UFSP2: variants seen among roughly 807,000 people sequenced by gnomAD.
UFSP2 encodes ufm1-specific protease 2.
UFSP2 carries 43 observed loss-of-function variants against 60.2 expected under a neutral mutation model. That is an observed-to-expected ratio of 0.71 (90% confidence interval 0.56 to 0.92). UFSP2 has a LOEUF of 0.92. UFSP2 is among the 40% of genes least tolerant of loss of function. The probability of loss-of-function intolerance (pLI) is 0.00; values close to 1 mark genes in which losing one functional copy is unlikely to be tolerated. For missense variants in UFSP2, 520 were observed against 575.0 expected, an observed-to-expected ratio of 0.90 and a Z score of 0.98; for synonymous variants, 183 against 195.1, an observed-to-expected ratio of 0.94 and a Z score of 0.52.
At position 185,403,570 on chromosome 4, in the gene UFSP2, A is replaced by G; in HGVS notation, c.1247T>C (p.Ile416Thr). The G allele has an allele frequency of 6.2e-7, 1 of 1,614,122 alleles. No individual in the cohort carries two copies. Among genetic ancestry groups the G allele is most frequent in the Non-Finnish European group, 8.5e-7 (1 of 1,180,020 alleles). ...AATCAGAAACTTTATCTGCCCTGTA[A>G]TCTCATTCCATGCAACTCCTAGTAT... Reference protein sequence around the residue: ...HTILGVAWNEITGQIKFLILD... With the variant: ...HTILGVAWNETTGQIKFLILD... The change falls in exon 11 of 12, where the codon ATT (isoleucine) becomes ACT (threonine). Residue 416 changes from isoleucine (I) to threonine (T), a missense_variant. Ile to Thr is a moderately conservative substitution (Grantham distance 89). Coordinates refer to ENST00000264689, the MANE Select transcript of UFSP2 (RefSeq NM_018359.5).
In UFSP2 at chr4:185,415,502, A is replaced by G. The variant is rs548781730; in HGVS notation, c.492-155T>C. Among the ~76,000 whole-genome samples, 255 of 152,300 alleles carry G rather than the reference A, an allele frequency of 1.7e-3. 2 individuals carry two copies. The highest frequency in any genetic ancestry group is 7.5e-4 in the Non-Finnish European group (51 of 68,018). On this transcript the variant is annotated intron_variant, in intron 5 of 11. Coordinates refer to ENST00000264689, the MANE Select transcript of UFSP2 (RefSeq NM_018359.5). ...TTATACATTATAAAAGAAACTGTGT[A>G]TTTGCTCTTTGTGGATAAAGGGAAA... is the stretch of plus-strand genomic sequence containing the variant.
At chr4:185,409,258 AG>A (rs1425831094) in intron 7 of UFSP2, among the ~76,000 whole-genome samples, 2 of 152,184 alleles carry the variant, frequency 1.3e-5, no homozygotes, top group Admixed American at 1.3e-4. Context: ...CGCTAAGTTA[AG>A]GGTCAAAAAA....
In UFSP2 at chr4:185,422,560, T is replaced by C. The variant is rs982697529; in HGVS notation, c.7A>G (p.Ile3Val). The C allele has an allele frequency of 1.1e-5, 18 of 1,604,030 alleles. No homozygotes were observed. The highest frequency in any genetic ancestry group is 1.5e-5 in the Non-Finnish European group (18 of 1,176,860). MV[I>V]SESMDILFRI... Reference sequence around the variant, plus strand: ...AAGAGTATATCCATACTTTCTGAAATCACCTAGAACAAATAAAGATAAAGA... The same window carrying C: ...AAGAGTATATCCATACTTTCTGAAACCACCTAGAACAAATAAAGATAAAGA... The change falls in exon 2 of 12, where the codon ATT becomes GTT. Residue 3 changes from isoleucine (I) to valine (V), a missense_variant. Transcript: ENST00000264689.
At chr4:185,414,704 T>C (rs1452758912) in intron 6 of UFSP2, among the ~76,000 whole-genome samples, 1 of 152,232 alleles carries the variant, frequency 6.6e-6, no homozygotes, top group African/African-American at 2.4e-5. Flanking sequence ...AAAATTCCTC[T>C]AATAAAGCCC....
At chr4:185,411,832 A>G (rs2095529887) in intron 7 of UFSP2, among the ~76,000 whole-genome samples, 3 of 152,236 alleles carry the variant, frequency 2.0e-5, no homozygotes, top group African/African-American at 7.2e-5. Context: ...GATGTTTGAT[A>G]TGTAATATTG....
intron 9 of UFSP2, chr4:185,406,179 T>C (rs1408742454): frequency 2.9e-6 from 1 of 348,964 alleles, no homozygotes; most frequent in African/African-American, 2.1e-5. Context: ...GGAGTTCTTA[T>C]GGATGGATTA....
intron 1 of UFSP2, among the ~76,000 whole-genome samples, chr4:185,425,549 T>C (rs937621231): frequency 1.1e-4 from 17 of 152,198 alleles, no homozygotes; most frequent in Non-Finnish European, 1.3e-4. Flanking sequence ...CCGAAGAAAG[T>C]TGCGCCTGTC....
chr4:185,399,641 T>A lies in UFSP2; in HGVS notation c.*751A>T. The A allele has an allele frequency of 6.2e-7, 1 of 1,614,200 alleles. No individual in the cohort carries two copies. Among genetic ancestry groups the A allele is most frequent in the South Asian group, 1.1e-5 (1 of 91,090 alleles). ...TGTGGATTTCCAGACTGTGCCAAGTTTCTTACAACAATTAAATGTATGCAG... is the reference window on the plus strand; with the variant it reads ...TGTGGATTTCCAGACTGTGCCAAGTATCTTACAACAATTAAATGTATGCAG... On this transcript the variant is annotated 3_prime_UTR_variant, in exon 12 of 12. Transcript: ENST00000264689.
chr4:185,422,721 C>T (rs1331373731), intron 1 of UFSP2, among the ~76,000 whole-genome samples, 158 bp from the exon 2 acceptor site: 1 of 152,142 alleles, frequency 6.6e-6, no homozygotes, highest in Non-Finnish European at 1.5e-5. Context: ...AAAACAAAAA[C>T]AAAAGCAACC....
At chr4:185,417,301 G>C (rs2095540416) in intron 4 of UFSP2, among the ~76,000 whole-genome samples, 2 of 152,136 alleles carry the variant, frequency 1.3e-5, no homozygotes, top group Admixed American at 1.3e-4. Flanking sequence ...TCCAATTACT[G>C]GTAATTTTCA....
rs1218222747 is a variant in UFSP2, at chr4:185,418,661, AGGCCAT to A, written c.186_191del (p.Trp63_Pro64del). On this transcript the variant is annotated inframe_deletion, in exon 3 of 12. Coordinates refer to ENST00000264689, the MANE Select transcript of UFSP2 (RefSeq NM_018359.5). ...CAGGAATGGTGTTTATGTCACTGCT[AGGCCAT>A]ATATACACTGAACTGTGGCAAATTC... is the stretch of plus-strand genomic sequence containing the variant. 12 of 1,613,950 alleles carry A rather than the reference AGGCCAT, an allele frequency of 7.4e-6. No homozygotes were observed. The highest frequency in any genetic ancestry group is 1.0e-5 in the Non-Finnish European group (12 of 1,180,008).
intron 7 of UFSP2, among the ~76,000 whole-genome samples, 166 bp downstream of exon 7, chr4:185,413,560 T>C (rs1433722808): frequency 1.3e-5 from 2 of 152,220 alleles, no homozygotes; most frequent in Non-Finnish European, 2.9e-5. Context: ...TTCTAGACCA[T>C]TTTTAATTAC....
In UFSP2 at chr4:185,415,827, G is replaced by A. The variant is rs1322443848; in HGVS notation, c.374C>T (p.Thr125Ile). 1 of 1,613,672 alleles carries A rather than the reference G, an allele frequency of 6.2e-7. No individual in the cohort carries two copies. Among genetic ancestry groups the A allele is most frequent in the Admixed American group, 1.7e-5 (1 of 59,990 alleles). The change falls in exon 5 of 12, where the codon ACC becomes ATC. Residue 125 changes from threonine to isoleucine, a missense_variant. Thr to Ile is a moderately conservative substitution (Grantham distance 89). Transcript: ENST00000264689. ...VNIDLMLEMSTSLAAVTPIIE... is the reference protein window; with the variant it reads ...VNIDLMLEMSISLAAVTPIIE... ...GATGGGCGTTACAGCTGCCAGGGAG[G>A]TTGACATTTCCAGCATAAGATCTAT...
chr4:185,421,373 T>C (rs60568465), intron 2 of UFSP2, among the ~76,000 whole-genome samples: 13,814 of 152,218 alleles, frequency 0.091, 1,129 homozygotes, highest in African/African-American at 0.21. Context: ...AAATGTGATC[T>C]CCAATGTTTG....
chr4:185,422,597 G>C (rs776532105), intron 1 of UFSP2, 34 bp from the exon 2 acceptor site: 1 of 1,448,330 alleles, frequency 6.9e-7, no homozygotes, highest in Non-Finnish European at 9.4e-7. Context: ...AAACTCCCTT[G>C]TAAAACAAAA....
intron 7 of UFSP2, among the ~76,000 whole-genome samples, chr4:185,413,199 C>T (rs2095532552): frequency 6.6e-6 from 1 of 151,696 alleles, no homozygotes. Flanking sequence ...TAGCTACTGG[C>T]CAACATGGTG....
chr4:185,401,720 A>T (rs2095513464), intron 11 of UFSP2, among the ~76,000 whole-genome samples: 1 of 152,206 alleles, frequency 6.6e-6, no homozygotes, highest in African/African-American at 2.4e-5. Flanking sequence ...TAGAGCAAGG[A>T]GGTTTCTGCT....
chr4:185,415,893 A>G, intron 4 of UFSP2, 26 bp from the exon 5 acceptor site: 1 of 1,567,164 alleles, frequency 6.4e-7, no homozygotes. Flanking sequence ...GTAATAGTCA[A>G]CTTGTAGTGC....
In UFSP2 at chr4:185,410,170, G is replaced by C. The variant is rs564449261; in HGVS notation, c.832-1735C>G. On this transcript the variant is annotated intron_variant, in intron 7 of 11. Coordinates refer to ENST00000264689, the MANE Select transcript of UFSP2 (RefSeq NM_018359.5). ...ACAAGAAGAAAAAAAAAGCAAAAAAGAAAAATAAATTCTGACATATTTGGA... is the reference window on the plus strand; with the variant it reads ...ACAAGAAGAAAAAAAAAGCAAAAAACAAAAATAAATTCTGACATATTTGGA... Among the ~76,000 whole-genome samples, 8 of 151,830 alleles carry C rather than the reference G, an allele frequency of 5.3e-5. No homozygotes were observed. The South Asian group carries it at 1.7e-3, about 32-fold the overall frequency.
Sources: allele counts gnomAD v4.1 joint callset (sites outside exome capture counted in the v4.1 genomes callset), GRCh38; gene constraint gnomAD v4.1.1; transcripts MANE v1.5; gene names NCBI Gene and HGNC (gene_info 2026-07-23, HGNC 2026-07-21).